The following TCERG1 variants were observed in gnomAD, a reference collection of about 807,000 sequenced individuals.
TCERG1 encodes the protein transcription elongation regulator 1.
Under a neutral mutation model 144.7 loss-of-function variants are expected in TCERG1, and 37 were observed. That is an observed-to-expected ratio of 0.26 (90% CI 0.20 to 0.34). The LOEUF is 0.34. Ranked by LOEUF, TCERG1 falls within the 10% of genes least tolerant of loss-of-function variation. The pLI is 1.00. For missense variants in TCERG1, 1,027 were observed against 1,380.7 expected (o/e 0.74, Z 4.06); for synonymous variants, 492 against 458.2 (o/e 1.07, Z -0.94).
intron 1 of TCERG1, among the ~76,000 whole-genome samples, chr5:146,452,670 A>C (rs988930752): frequency 7.2e-5 from 11 of 152,046 alleles, no homozygotes; most frequent in Non-Finnish European, 1.2e-4. Flanking sequence ...GCTCACTGCA[A>C]CCTCCACTTC....
intron 7 of TCERG1, 65 bp from the exon 8 acceptor site, chr5:146,470,555 ATCTTAATGGCTTATTC>A (rs1291191187): frequency 4.3e-6 from 5 of 1,153,096 alleles, no homozygotes; most frequent in Non-Finnish European, 6.2e-6. Context: ...GGAATGGAAT[ATCTTAATGGCTTATTC>A]TCTGAAAGTT....
chr5:146,466,636 C>T (rs1235956389), intron 5 of TCERG1, among the ~76,000 whole-genome samples: 3 of 152,104 alleles, frequency 2.0e-5, no homozygotes, highest in East Asian at 3.9e-4. Context: ...TTTTATTTTG[C>T]GAGTATTCAC....
chr5:146,478,331 T>C, intron 9 of TCERG1, 162 bp from the exon 10 acceptor site: 1 of 622,994 alleles, frequency 1.6e-6, no homozygotes, highest in Non-Finnish European at 2.4e-6. Context: ...CATTCAGTTA[T>C]CTTGTAAAAA....
At chr5:146,480,837 A>G (rs146213307) in intron 12 of TCERG1, among the ~76,000 whole-genome samples, 1 of 152,274 alleles carries the variant, frequency 6.6e-6, no homozygotes, top group East Asian at 1.9e-4. Context: ...CTTTATTGGC[A>G]ACAACATAAA....
chr5:146,510,281 C>A lies in TCERG1; in HGVS notation c.3147-160C>A, dbSNP rs576854079. ...TCACTCCTTGGAGTCTTTGCTGAGG[C>A]GACTTACAAAGGTGACCACTGCCGT... On this transcript the variant is annotated intron_variant, in intron 22 of 22. Transcript: ENST00000679501. 2.4e-4 allele frequency: 166 copies of A among 681,326 alleles called. No homozygotes were observed. In the South Asian group the frequency reaches 3.4e-3, roughly 14 times the overall value. The allele number at this position is 681,326 out of a possible 1,614,324, so 42.2% of individuals were successfully genotyped here.
At chr5:146,466,020 CAAAA>C (rs57028887) in intron 5 of TCERG1, among the ~76,000 whole-genome samples, 1 of 82,042 alleles carries the variant, frequency 1.2e-5, no homozygotes. Context: ...AACTCTGTCT[CAAAA>C]AAAAAAAAAA....
chr5:146,498,647 G>A lies in TCERG1; in HGVS notation c.2394G>A (p.Arg798=), dbSNP rs769518874. The change falls in exon 17 of 23, where the codon AGG becomes AGA. Residue 798 remains arginine (R), a synonymous_variant. Coordinates refer to ENST00000679501, the MANE Select transcript of TCERG1 (RefSeq NM_001382548.1). Reference sequence around the variant, plus strand: ...TTAATGAGTTTGTGGCCGCTGCTAGGAAGAAAGAGAAAGAAGATTCGAAGA... The same window carrying A: ...TTAATGAGTTTGTGGCCGCTGCTAGAAAGAAAGAGAAAGAAGATTCGAAGA... ...ALFNEFVAAA[R]KKEKEDSKTR... The A allele has an allele frequency of 9.3e-6, 15 of 1,610,692 alleles. No individual in the cohort carries two copies. Among genetic ancestry groups the A allele is most frequent in the African/African-American group, 1.3e-5 (1 of 74,726 alleles).
At chr5:146,469,934 T>C (rs752346312) in intron 7 of TCERG1, 190 bp downstream of exon 7, 2 of 427,878 alleles carry the variant, frequency 4.7e-6, no homozygotes, top group Non-Finnish European at 7.9e-6. Flanking sequence ...ATGTTTGTCA[T>C]CATTTTTTTC....
chr5:146,461,278 C>T lies in TCERG1; in HGVS notation c.892+1941C>T, dbSNP rs180992485. Among the ~76,000 whole-genome samples, 6 of 152,214 alleles carry T rather than the reference C, an allele frequency of 3.9e-5. No homozygotes were observed. In the East Asian group the frequency reaches 5.8e-4, roughly 15 times the overall value. On this transcript the variant is annotated intron_variant, in intron 4 of 22. Transcript: ENST00000679501. ...TAAACATCAATTTTGATGTTGTCTACGTATTCCAGTGTGTGTTTTTATTTT... is the reference window on the plus strand; with the variant it reads ...TAAACATCAATTTTGATGTTGTCTATGTATTCCAGTGTGTGTTTTTATTTT...
chr5:146,463,177 CTT>C (rs1266003398), intron 4 of TCERG1, among the ~76,000 whole-genome samples: 2 of 152,158 alleles, frequency 1.3e-5, no homozygotes, highest in African/African-American at 4.8e-5. Context: ...GTTCTTTACT[CTT>C]TGCCTTATTC....
chr5:146,477,177 GT>G (rs1030660960), intron 9 of TCERG1, among the ~76,000 whole-genome samples: 15 of 146,744 alleles, frequency 1.0e-4, no homozygotes, highest in South Asian at 2.2e-4. Context: ...TTTCCTTTTG[GT>G]TTTTTTTTTG....
At chr5:146,463,921 C>G (rs1763553545) in intron 5 of TCERG1, 128 bp downstream of exon 5, 2 of 1,270,840 alleles carry the variant, frequency 1.6e-6, no homozygotes, top group South Asian at 1.4e-5. Flanking sequence ...TTGAAAGATT[C>G]ATGGCTAACT....
chr5:146,480,790 C>T (rs1231598183), intron 12 of TCERG1, among the ~76,000 whole-genome samples: 1 of 152,058 alleles, frequency 6.6e-6, no homozygotes, highest in Non-Finnish European at 1.5e-5. Context: ...ATCAGTAGGA[C>T]AACCCCTATA....
chr5:146,465,464 C>T (rs1763695188), intron 5 of TCERG1, among the ~76,000 whole-genome samples: 1 of 152,192 alleles, frequency 6.6e-6, no homozygotes, highest in South Asian at 2.1e-4. Flanking sequence ...TAAAATCCCT[C>T]TGGCTCTAGC....
chr5:146,473,072 T>G (rs532808305), intron 9 of TCERG1, among the ~76,000 whole-genome samples: 4 of 152,176 alleles, frequency 2.6e-5, no homozygotes, highest in Admixed American at 6.5e-5. Flanking sequence ...GGAAGGCATG[T>G]CAAAAGCCGA....
chr5:146,487,178 A>G (rs925569039), intron 15 of TCERG1, among the ~76,000 whole-genome samples: 2 of 152,228 alleles, frequency 1.3e-5, no homozygotes, highest in Admixed American at 1.3e-4. Flanking sequence ...GAACTAGCTG[A>G]AAAAGAAATC....
intron 16 of TCERG1, among the ~76,000 whole-genome samples, chr5:146,495,612 G>A (rs1766819647): frequency 1.3e-5 from 2 of 152,128 alleles, no homozygotes; most frequent in South Asian, 2.1e-4. Context: ...TCTAGCCTTG[G>A]CCAGCAAAGC....
In TCERG1 at chr5:146,507,352, A is replaced by G; in HGVS notation, c.2961+145A>G. The G allele has an allele frequency of 1.4e-6, 1 of 736,386 alleles. No homozygotes were observed. Among genetic ancestry groups the G allele is most frequent in the South Asian group, 2.9e-5 (1 of 35,052 alleles). The allele number at this position is 736,386 out of a possible 1,614,324, so 45.6% of individuals were successfully genotyped here. A position where few individuals can be genotyped will look rare whatever the true frequency, so the allele number is the denominator to read the frequency against. On this transcript the variant is annotated intron_variant, in intron 20 of 22. Transcript: ENST00000679501. This position sits in a 1 kb window ranked among gnomAD's most constrained non-coding sequence, Gnocchi z 4.6. ...TTATGACAATTCTCTGATTTTAAAA[A>G]ATTATGGTATTCTTATTTATTTAGA...
At chr5:146,478,331 T>A in intron 9 of TCERG1, 162 bp from the exon 10 acceptor site, 1 of 622,994 alleles carries the variant, frequency 1.6e-6, no homozygotes, top group Non-Finnish European at 2.4e-6. Flanking sequence ...CATTCAGTTA[T>A]CTTGTAAAAA....
Sources: gnomAD v4.1 joint callset for allele counts (sites outside exome capture counted in the v4.1 genomes callset) on GRCh38, gnomAD v4.1.1 for gene constraint, Gnocchi (gnomAD v3.1) non-coding constraint, MANE v1.5 for transcripts, NCBI Gene and HGNC (gene_info 2026-07-23, HGNC 2026-07-21) for gene names.